FOXN3: variants seen among roughly 807,000 people sequenced by gnomAD.
The protein encoded by FOXN3 is forkhead box N3, also known as forkhead box protein N3.
In FOXN3, 7 loss-of-function variants were observed where a neutral mutation model predicts 38.4. That is an observed-to-expected ratio of 0.18 (90% CI 0.10 to 0.34). The LOEUF (loss-of-function observed/expected upper bound fraction) is 0.34. Ranked by LOEUF, FOXN3 falls within the 10% of genes least tolerant of loss-of-function variation. The pLI is 1.00. For synonymous variants in FOXN3, 230 were observed against 242.2 expected (o/e 0.95, Z 0.47); for missense variants, 456 against 613.4 (o/e 0.74, Z 2.71).
At chr14:89,498,170 T>C (rs1389638358) in intron 1 of FOXN3, among the ~76,000 whole-genome samples, 1 of 151,852 alleles carries the variant, frequency 6.6e-6, no homozygotes, top group African/African-American at 2.4e-5. Context: ...TTTGCAAGTA[T>C]ATTCTCCTAT....
intron 1 of FOXN3, among the ~76,000 whole-genome samples, chr14:89,445,682 A>C (rs1892477462): frequency 6.6e-6 from 1 of 152,058 alleles, no homozygotes. Context: ...AAGAGACCAG[A>C]GTTTGAGATC....
In FOXN3 at chr14:89,341,982, T is replaced by C. The variant is rs117506777; in HGVS notation, c.680+8690A>G. Reference sequence around the variant, plus strand: ...AGACTCCAGGCACCTACTAGGCCCATCAACACTGCAACTTTCTTCTCATGA... The same window carrying C: ...AGACTCCAGGCACCTACTAGGCCCACCAACACTGCAACTTTCTTCTCATGA... On this transcript the variant is annotated intron_variant, in intron 3 of 5. Transcript: ENST00000557258. Among the ~76,000 whole-genome samples, 777 of 152,288 alleles carry C rather than the reference T, an allele frequency of 5.1e-3. 3 individuals are homozygous for C. The highest frequency in any genetic ancestry group is 8.7e-3 in the Non-Finnish European group (589 of 68,018).
At chr14:89,612,955 T>G (rs926432908) in intron 1 of FOXN3, among the ~76,000 whole-genome samples, 1 of 151,494 alleles carries the variant, frequency 6.6e-6, no homozygotes, top group East Asian at 2.0e-4. Context: ...CCATCTCTAC[T>G]AAAAATACAA....
rs1374915637 is a variant in FOXN3, at chr14:89,170,181, TCA to T, written c.852-7214_852-7213del. ...AGGAAGATAAAACCATTCTAAACAT[TCA>T]CAGTTTCATTAAAATACCTTCAAAA... On this transcript the variant is annotated intron_variant, in intron 5 of 5. Coordinates refer to ENST00000557258, the MANE Select transcript of FOXN3 (RefSeq NM_005197.4). Among the ~76,000 whole-genome samples the T allele has an allele frequency of 3.3e-5, 5 of 152,316 alleles. No homozygotes were observed. The South Asian group carries it at 6.2e-4, about 19-fold the overall frequency.
chr14:89,512,804 TG>T, intron 1 of FOXN3, among the ~76,000 whole-genome samples: 1 of 152,130 alleles, frequency 6.6e-6, no homozygotes, highest in Non-Finnish European at 1.5e-5. Flanking sequence ...TCAGGTGGTG[TG>T]GGGGCAGACT....
chr14:89,617,098 C>T, intron 1 of FOXN3, among the ~76,000 whole-genome samples: 1 of 152,066 alleles, frequency 6.6e-6, no homozygotes, highest in Middle Eastern at 3.2e-3. Context: ...GGGGTTACTC[C>T]TCTCGGTTTC....
rs78634035 is a variant in FOXN3, at chr14:89,590,451, G to A, written c.-15+28577C>T. 2.4e-4 allele frequency among the ~76,000 whole-genome samples: 37 copies of A among 152,222 alleles called. No homozygotes were observed. The East Asian group carries it at 5.6e-3, about 23-fold the overall frequency. ...CAAAAATTCCGGCAGAGGGGAGAAC[G>A]GAGCAGAATCAAATGCATTCACCCC... is the stretch of plus-strand genomic sequence containing the variant. On this transcript the variant is annotated intron_variant, in intron 1 of 6. Coordinates refer to the FOXN3 transcript ENST00000345097.
chr14:89,559,199 G>A (rs375036655), intron 1 of FOXN3, among the ~76,000 whole-genome samples: 2 of 150,800 alleles, frequency 1.3e-5, no homozygotes, highest in Non-Finnish European at 3.0e-5. Context: ...ACCGCCCCCC[G>A]CCCAACCCCA....
chr14:89,195,212 C>G (rs1202509635), intron 4 of FOXN3, among the ~76,000 whole-genome samples: 2 of 152,166 alleles, frequency 1.3e-5, no homozygotes, highest in Non-Finnish European at 2.9e-5. Context: ...TCCCCTCACC[C>G]CAAACACCCC....
At chr14:89,226,153 C>T (rs1281016706) in intron 4 of FOXN3, among the ~76,000 whole-genome samples, 1 of 144,966 alleles carries the variant, frequency 6.9e-6, no homozygotes, top group East Asian at 2.0e-4. Flanking sequence ...TGTTTTCTGA[C>T]CATTGATCTA....
At chr14:89,528,766 A>G (rs1231566529) in intron 1 of FOXN3, among the ~76,000 whole-genome samples, 1 of 152,170 alleles carries the variant, frequency 6.6e-6, no homozygotes, top group East Asian at 1.9e-4. Context: ...AAAAAAGTAC[A>G]TGCTATATGA....
chr14:89,534,529 G>A (rs932925660), intron 1 of FOXN3, among the ~76,000 whole-genome samples: 6 of 152,148 alleles, frequency 3.9e-5, no homozygotes, highest in South Asian at 2.1e-4. Flanking sequence ...CTGCTCCAAC[G>A]TCTGCCGGTG....
rs566579756 is a variant in FOXN3 at position 89,198,143 on chromosome 14, T to C, written c.746-17337A>G. 9.6e-4 allele frequency among the ~76,000 whole-genome samples: 147 copies of C among 152,344 alleles called. 1 individual carries two copies. Among genetic ancestry groups the C allele is most frequent in the African/African-American group, 3.3e-3 (138 of 41,578 alleles). On this transcript the variant is annotated intron_variant, in intron 4 of 5. Coordinates refer to ENST00000557258, the MANE Select transcript of FOXN3 (RefSeq NM_005197.4). ...AGAAAATGTTACACTGTTGCTGACATGTATACTATGTAGTGAGATGATGGC... is the reference window on the plus strand; with the variant it reads ...AGAAAATGTTACACTGTTGCTGACACGTATACTATGTAGTGAGATGATGGC...
rs114892653 is a variant in FOXN3 at position 89,496,229 on chromosome 14, G to A, written c.-14-83739C>T. ...ACTCCGTCTCAAAAAAAGAGTACTT[G>A]ACTAGAGTTAACAATAGTTATAAAA... On this transcript the variant is annotated intron_variant, in intron 1 of 6. Coordinates refer to the FOXN3 transcript ENST00000345097. 2.3e-3 allele frequency among the ~76,000 whole-genome samples: 351 copies of A among 152,210 alleles called. 1 individual carries two copies. The highest frequency in any genetic ancestry group is 8.1e-3 in the African/African-American group (335 of 41,536).
chr14:89,591,448 T>C (rs770016771), intron 1 of FOXN3, among the ~76,000 whole-genome samples: 1 of 152,160 alleles, frequency 6.6e-6, no homozygotes, highest in African/African-American at 2.4e-5. Context: ...ATACTGATAT[T>C]TGAGGAACTG....
intron 1 of FOXN3, among the ~76,000 whole-genome samples, chr14:89,538,761 G>A (rs918458220): frequency 1.7e-4 from 25 of 151,470 alleles, no homozygotes; most frequent in African/African-American, 5.8e-4. Context: ...CAGGTGATCC[G>A]CCCGCCTCAG....
intron 1 of FOXN3, among the ~76,000 whole-genome samples, chr14:89,574,279 G>A (rs1895553749): frequency 6.6e-6 from 1 of 152,160 alleles, no homozygotes; most frequent in African/African-American, 2.4e-5. Context: ...CTAGAAAAGT[G>A]GATGTTTTAT....
intron 1 of FOXN3, among the ~76,000 whole-genome samples, chr14:89,479,915 C>T (rs1893287956): frequency 6.6e-6 from 1 of 152,142 alleles, no homozygotes; most frequent in Non-Finnish European, 1.5e-5. Context: ...TGAGTCAGTC[C>T]TTCAGAAAGT....
chr14:89,349,736 T>A (rs1405683431), intron 3 of FOXN3: 1 of 152,388 alleles, frequency 6.6e-6, no homozygotes, highest in Non-Finnish European at 1.5e-5. Context: ...TTAATGCTAT[T>A]TCAGAAGATC....
Sources: gnomAD v4.1 joint callset for allele counts (sites outside exome capture counted in the v4.1 genomes callset) on GRCh38, gnomAD v4.1.1 for gene constraint, MANE v1.5 for transcripts, NCBI Gene and HGNC (gene_info 2026-07-23, HGNC 2026-07-21) for gene names.